Variants in SEC22C observed in about 807,000 individuals in gnomAD.
SEC22C encodes SEC22 homolog C, vesicle trafficking protein.
SEC22C carries 29 observed loss-of-function variants against 34.7 expected under a neutral mutation model. That is an observed-to-expected ratio of 0.84 (90% CI 0.62 to 1.14). The LOEUF is 1.14. SEC22C is among the 50% of genes most tolerant of loss of function. The probability of loss-of-function intolerance (pLI) is 0.00; values close to 1 mark genes in which losing one functional copy is unlikely to be tolerated. For synonymous variants in SEC22C, 117 were observed against 132.8 expected, an observed-to-expected ratio of 0.88 and a Z score of 0.82; for missense variants, 337 against 369.0, an observed-to-expected ratio of 0.91 and a Z score of 0.71.
rs914131506 is a variant in SEC22C at position 42,568,874 on chromosome 3, A to G, written c.173T>C (p.Phe58Ser). The G allele has an allele frequency of 1.9e-6, 3 of 1,614,004 alleles. No homozygotes were observed. The African/African-American group carries it at 4.0e-5, about 22-fold the overall frequency. Reference sequence around the variant, plus strand: ...GAATATGATCACTTACTGTATACTAAAGTCACAACCTTCTGCAGAACCTCG... The same window carrying G: ...GAATATGATCACTTACTGTATACTAGAGTCACAACCTTCTGCAGAACCTCG... ...PGRGSAEGCD[F>S]SIHFSSFGDV... Residue 58 changes from phenylalanine (F) to serine (S), a missense_variant, in exon 2 of 7, where the codon TTT becomes TCT. Phe to Ser is a radical substitution (Grantham distance 155, BLOSUM62 -2). Transcript: ENST00000264454.
intron 1 of SEC22C, among the ~76,000 whole-genome samples, 176 bp from the exon 2 acceptor site, chr3:42,569,249 CTTCA>C (rs1290089245): frequency 1.3e-5 from 2 of 152,184 alleles, no homozygotes; most frequent in African/African-American, 4.8e-5. Flanking sequence ...ACTTTCCTCC[CTTCA>C]TTATCCTCCC....
chr3:42,586,400 T>A (rs1319671519), upstream of SEC22C, among the ~76,000 whole-genome samples: 1 of 152,092 alleles, frequency 6.6e-6, no homozygotes, highest in Non-Finnish European at 1.5e-5. Context: ...TTTTTGTATT[T>A]TTAGTAGAGA....
rs146850064 is a variant in SEC22C at position 42,568,890 on chromosome 3, C to T, written c.157G>A (p.Ala53Thr). The T allele has an allele frequency of 1.9e-6, 3 of 1,614,066 alleles. No homozygotes were observed. The highest frequency in any genetic ancestry group is 1.3e-5 in the African/African-American group (1 of 74,920). ...RLAQYPGRGS[A>T]EGCDFSIHFS... The stretch of plus-strand genomic sequence containing the variant: ...TGTATACTAAAGTCACAACCTTCTG[C>T]AGAACCTCGACCTGGATACTGGGCC... Residue 53 changes from alanine (A) to threonine (T), a missense_variant, in exon 2 of 7, where the codon GCA becomes ACA. Coordinates refer to ENST00000264454, the MANE Select transcript of SEC22C (RefSeq NM_032970.4).
chr3:42,592,392 G>C (rs1704882279), intron 1 of SEC22C, among the ~76,000 whole-genome samples: 1 of 152,040 alleles, frequency 6.6e-6, no homozygotes, highest in Non-Finnish European at 1.5e-5. Context: ...TAGAGACAGG[G>C]TTTCACCATG....
At chr3:42,569,932 A>T (rs1263830477) in intron 1 of SEC22C, among the ~76,000 whole-genome samples, 1 of 152,208 alleles carries the variant, frequency 6.6e-6, no homozygotes, top group African/African-American at 2.4e-5. Context: ...TTCAGGGCAT[A>T]ACCTGTACAT....
At chr3:42,569,970 A>G (rs974838329) in intron 1 of SEC22C, among the ~76,000 whole-genome samples, 2 of 152,130 alleles carry the variant, frequency 1.3e-5, no homozygotes, top group Non-Finnish European at 2.9e-5. Context: ...GCAATTAGGG[A>G]TTAGTGAGGT....
chr3:42,562,957 T>C (rs543300028), intron 3 of SEC22C, among the ~76,000 whole-genome samples: 30 of 152,340 alleles, frequency 2.0e-4, no homozygotes, highest in Non-Finnish European at 3.5e-4. Flanking sequence ...ATCACAGGAA[T>C]GTCAAATTAC....
chr3:42,596,658 ACTTTTAT>A (rs1705041701), intron 1 of SEC22C, among the ~76,000 whole-genome samples: 3 of 152,234 alleles, frequency 2.0e-5, no homozygotes, highest in Admixed American at 6.5e-5. Context: ...CAAATTGCAT[ACTTTTAT>A]CTTCGAATCA....
In SEC22C at chr3:42,557,518, C is replaced by G. The variant is rs963364793; in HGVS notation, c.645+60G>C. 8.4e-6 allele frequency: 6 copies of G among 716,960 alleles called. No homozygotes were observed. In the African/African-American group the frequency reaches 1.1e-4, roughly 13 times the overall value. 44.4% of individuals were successfully genotyped at this position (716,960 alleles called of 1,614,324 possible). ...TTTTATAGATAAAATGTATCCCTAT[C>G]ACTTTCTTCTATCATATGTCCTTCA... On this transcript the variant is annotated intron_variant, in intron 5 of 6. Coordinates refer to ENST00000264454, the MANE Select transcript of SEC22C (RefSeq NM_032970.4).
At chr3:42,598,188 A>G (rs1278470094) in intron 1 of SEC22C, among the ~76,000 whole-genome samples, 1 of 152,228 alleles carries the variant, frequency 6.6e-6, no homozygotes, top group East Asian at 1.9e-4. Flanking sequence ...ATCCACTGAC[A>G]TATGAATGGA....
chr3:42,576,286 A>C (rs964319581), intron 1 of SEC22C, among the ~76,000 whole-genome samples: 1 of 152,212 alleles, frequency 6.6e-6, no homozygotes, highest in African/African-American at 2.4e-5. Context: ...TAAGCTCACA[A>C]GTCAAGAAAT....
intron 2 of SEC22C, 145 bp downstream of exon 2, chr3:42,568,720 C>G: frequency 5.6e-6 from 3 of 535,124 alleles, no homozygotes. Context: ...TTTTATGATT[C>G]TGTTGTAGAC....
At position 42,569,011 on chromosome 3, in the gene SEC22C, T is replaced by C. The variant is rs762623936; in HGVS notation, c.36A>G (p.Val12=). The C allele has an allele frequency of 5.0e-6, 8 of 1,614,054 alleles. No individual in the cohort carries two copies. The highest frequency in any genetic ancestry group is 5.9e-6 in the Non-Finnish European group (7 of 1,179,996). Residue 12 remains valine, a synonymous_variant, in exon 2 of 7, where the codon GTA becomes GTG. Coordinates refer to ENST00000264454, the MANE Select transcript of SEC22C (RefSeq NM_032970.4). The part of the protein sequence containing the change: ...SVIFFACVVR[V]RDGLPLSAST... Reference sequence around the variant, plus strand: ...AGGCTGAGAGGGGCAGTCCATCCCTTACCCGTACCACGCAGGCAAAAAAGA... The same window carrying C: ...AGGCTGAGAGGGGCAGTCCATCCCTCACCCGTACCACGCAGGCAAAAAAGA...
In SEC22C at chr3:42,581,920, G is replaced by A. The variant is rs997347216; in HGVS notation, c.-102C>T. ...GCCTCCTCAGCAATCTTAGCCGACC[G>A]GGAGGGCTCGGCCCAGGTCACCGGC... On this transcript the variant is annotated 5_prime_UTR_variant, in exon 1 of 7. Transcript: ENST00000264454. 8 of 152,422 alleles carry A rather than the reference G, an allele frequency of 5.2e-5. No homozygotes were observed. Among genetic ancestry groups the A allele is most frequent in the South Asian group, 2.1e-4 (1 of 4,832 alleles). 9.4% of individuals were successfully genotyped at this position (152,422 alleles called of 1,614,324 possible). A position where few individuals can be genotyped will look rare whatever the true frequency, so the allele number is the denominator to read the frequency against.
chr3:42,591,597 G>T, intron 1 of SEC22C: 1 of 1,611,156 alleles, frequency 6.2e-7, no homozygotes, highest in Non-Finnish European at 8.5e-7. Flanking sequence ...GAACGAGTGC[G>T]TGCAGTAAGT....
Position 42,548,628 on chromosome 3 carries a change from G to A in SEC22C, c.*4620C>T. 6.2e-7 allele frequency: 1 copy of A among 1,613,890 alleles called. No individual in the cohort carries two copies. Among genetic ancestry groups the A allele is most frequent in the Non-Finnish European group, 8.5e-7 (1 of 1,180,030 alleles). ...AGGGGTGGCTGGCTCACGAGGTTTG[G>A]TCCAACCAGCAGAACCAGCTCCTTG... On this transcript the variant is annotated 3_prime_UTR_variant, in exon 7 of 7. Coordinates refer to ENST00000264454, the MANE Select transcript of SEC22C (RefSeq NM_032970.4).
chr3:42,587,979 AGGAGAATTGCT>A (rs1704678135), intron 1 of SEC22C, among the ~76,000 whole-genome samples: 1 of 151,658 alleles, frequency 6.6e-6, no homozygotes, highest in African/African-American at 2.4e-5. Flanking sequence ...AGGCTGAGGC[AGGAGAATTGCT>A]GGAACCCCGG....
rs1410029809 is a variant in SEC22C at position 42,581,875 on chromosome 3, G to C, written c.-57C>G. 2 of 152,394 alleles carry C rather than the reference G, an allele frequency of 1.3e-5. No individual in the cohort carries two copies. The highest frequency in any genetic ancestry group is 2.9e-5 in the Non-Finnish European group (2 of 68,166). The allele number at this position is 152,394 out of a possible 1,614,324, so 9.4% of individuals were successfully genotyped here. ...CCCGGACGGCGGCCTTCGGAAGTCG[G>C]CGCCTGCCAGCTACCCGCCGCCTCC... On this transcript the variant is annotated 5_prime_UTR_variant, in exon 1 of 7. Coordinates refer to ENST00000264454, the MANE Select transcript of SEC22C (RefSeq NM_032970.4).
At chr3:42,571,336 A>C (rs1178368436) in intron 1 of SEC22C, among the ~76,000 whole-genome samples, 2 of 152,144 alleles carry the variant, frequency 1.3e-5, no homozygotes, top group African/African-American at 4.8e-5. Flanking sequence ...CTTGTTTTTC[A>C]GTTCTATCAA....
Sources: gnomAD v4.1 joint callset for allele counts (sites outside exome capture counted in the v4.1 genomes callset) on GRCh38, gnomAD v4.1.1 for gene constraint, MANE v1.5 for transcripts, NCBI Gene and HGNC (gene_info 2026-07-23, HGNC 2026-07-21) for gene names.